Variants in FGD5 observed in about 807,000 individuals in gnomAD.
FGD5 encodes FYVE, RhoGEF and PH domain containing 5, also known as FYVE, RhoGEF and PH domain-containing protein 5.
Under a neutral mutation model 133.4 loss-of-function variants are expected in FGD5, and 28 were observed. The observed-to-expected ratio is 0.21, with a 90% confidence interval of 0.16 to 0.29. The LOEUF is 0.29. Among genes scored for constraint, FGD5 ranks in the 10% least tolerant of loss-of-function variants. FGD5 has a pLI of 1.00. For synonymous variants in FGD5, 810 were observed against 776.5 expected, an observed-to-expected ratio of 1.04 and a Z score of -0.72; for missense variants, 1,858 against 1,895.2, an observed-to-expected ratio of 0.98 and a Z score of 0.36.
At chr3:14,878,927 T>C (rs143911109) in intron 2 of FGD5, among the ~76,000 whole-genome samples, 2,727 of 152,248 alleles carry the variant, frequency 0.018, 30 homozygotes, top group Middle Eastern at 0.031. Context: ...CAGGCTGGTC[T>C]CGAACTCTTA....
At chr3:14,900,890 C>T (rs2125134999) in intron 8 of FGD5, 113 bp from the exon 9 acceptor site, 2 of 1,130,458 alleles carry the variant, frequency 1.8e-6, no homozygotes, top group South Asian at 1.3e-5. Context: ...CTGTCAAGGT[C>T]ACCTAGGCAG....
intron 1 of FGD5, among the ~76,000 whole-genome samples, chr3:14,852,279 C>T (rs558210630): frequency 9.8e-5 from 15 of 152,324 alleles, no homozygotes; most frequent in African/African-American, 3.6e-4. Context: ...GAAGAGCTGA[C>T]ACATGCTACA....
intron 1 of FGD5, among the ~76,000 whole-genome samples, chr3:14,854,394 TTTATTTA>T (rs2037231596): frequency 6.3e-5 from 4 of 63,946 alleles, no homozygotes; most frequent in Non-Finnish European, 1.2e-4. Flanking sequence ...TTTCTTTTTA[TTTATTTA>T]TTTATTTATT....
intron 7 of FGD5, among the ~76,000 whole-genome samples, chr3:14,899,778 GAGAC>G (rs1336447662): frequency 6.6e-6 from 1 of 152,320 alleles, no homozygotes; most frequent in East Asian, 1.9e-4. Context: ...GCAAGTTAAG[GAGAC>G]AGAGGGAACA....
chr3:14,881,927 C>T (rs778157406), intron 4 of FGD5, among the ~76,000 whole-genome samples: 5 of 152,176 alleles, frequency 3.3e-5, no homozygotes, highest in Non-Finnish European at 7.3e-5. Context: ...TCAAGCCAGG[C>T]CTCTTGCTGA....
intron 1 of FGD5, among the ~76,000 whole-genome samples, chr3:14,834,581 C>G (rs2036778525): frequency 1.3e-5 from 2 of 152,166 alleles, no homozygotes; most frequent in Admixed American, 6.5e-5. Context: ...GTTTGAACAC[C>G]CTACGTCATC....
At chr3:14,890,526 A>G (rs751422497) in intron 4 of FGD5, among the ~76,000 whole-genome samples, 4 of 152,124 alleles carry the variant, frequency 2.6e-5, no homozygotes, top group Admixed American at 6.5e-5. Flanking sequence ...ACCCCCAGGT[A>G]TGATGATGGG....
intron 2 of FGD5, among the ~76,000 whole-genome samples, chr3:14,867,085 T>A (rs986645943): frequency 2.6e-5 from 4 of 152,206 alleles, no homozygotes; most frequent in African/African-American, 9.7e-5. Flanking sequence ...AGTCAAAACC[T>A]ACACTTTAAT....
At chr3:14,913,571 A>G (rs1197604096) in intron 11 of FGD5, among the ~76,000 whole-genome samples, 2 of 152,188 alleles carry the variant, frequency 1.3e-5, no homozygotes, top group Non-Finnish European at 2.9e-5. Context: ...CAGCTCCCTG[A>G]TCTTTAAAAC....
intron 2 of FGD5, among the ~76,000 whole-genome samples, chr3:14,875,334 G>A (rs572684719): frequency 7.4e-4 from 113 of 152,276 alleles, no homozygotes; most frequent in African/African-American, 2.6e-3. Context: ...GGGGGGCTGC[G>A]TGGCTGAAGA....
chr3:14,898,580 G>A (rs56948884), intron 6 of FGD5, among the ~76,000 whole-genome samples, 159 bp from the exon 7 acceptor site: 2 of 152,122 alleles, frequency 1.3e-5, no homozygotes, highest in Non-Finnish European at 2.9e-5. Context: ...TAATCCAGGA[G>A]GGCTTCCCGC....
rs1329896867 is a variant in FGD5 at position 14,820,233 on chromosome 3, C to T, written c.1162C>T (p.Pro388Ser). The T allele has an allele frequency of 7.5e-6, 12 of 1,606,256 alleles. No individual in the cohort carries two copies. Among genetic ancestry groups the T allele is most frequent in the Non-Finnish European group, 9.4e-6 (11 of 1,175,428 alleles). ...GCTGGGGCTGCGTGCGGAGGAGAAC[C>T]CCATGGTGGGGGCTTTGTGTGGCCA... Reference protein sequence around the residue: ...PKLGLRAEENPMVGALCGQCG... With the variant: ...PKLGLRAEENSMVGALCGQCG... Residue 388 changes from proline to serine, a missense_variant, in exon 1 of 20, where the codon CCC becomes TCC. Coordinates refer to ENST00000285046, the MANE Select transcript of FGD5 (RefSeq NM_152536.4).
rs187395691 is a variant in FGD5 at position 14,843,073 on chromosome 3, T to C, written c.2526-21055T>C. Among the ~76,000 whole-genome samples the C allele has an allele frequency of 4.2e-3, 643 of 152,358 alleles. 7 individuals are homozygous for C. The highest frequency in any genetic ancestry group is 0.014 in the Middle Eastern group (4 of 294). On this transcript the variant is annotated intron_variant, in intron 1 of 19. Transcript: ENST00000285046. ...TTCTTAATTTTAAAATCCCGAGAGT[T>C]GAATACTTGATATTTCTTCAAGAAA...
intron 1 of FGD5, among the ~76,000 whole-genome samples, chr3:14,827,737 C>G (rs906475536): frequency 3.3e-5 from 5 of 152,054 alleles, no homozygotes; most frequent in Non-Finnish European, 7.4e-5. Context: ...TCCTGCAGGC[C>G]ACAGTGGGTA....
At chr3:14,830,039 T>C (rs2036676539) in intron 1 of FGD5, among the ~76,000 whole-genome samples, 2 of 152,226 alleles carry the variant, frequency 1.3e-5, no homozygotes, top group East Asian at 1.9e-4. Flanking sequence ...TCCTGCTGAC[T>C]GGTTCCATTG....
At chr3:14,862,915 A>G (rs2037426127) in intron 1 of FGD5, among the ~76,000 whole-genome samples, 1 of 152,114 alleles carries the variant, frequency 6.6e-6, no homozygotes, top group African/African-American at 2.4e-5. Flanking sequence ...CTTAGGCTAC[A>G]GGTACTCTGG....
At chr3:14,899,329 G>A (rs369941231) in intron 7 of FGD5, among the ~76,000 whole-genome samples, 9 of 151,956 alleles carry the variant, frequency 5.9e-5, no homozygotes, top group Middle Eastern at 3.2e-3. Context: ...CTCCATAAAC[G>A]TCAGAGCTTC....
rs574748555 is a variant in FGD5 at position 14,824,263 on chromosome 3, G to A, written c.2525+2667G>A. On this transcript the variant is annotated intron_variant, in intron 1 of 19. Transcript: ENST00000285046. ...GGTCTGGGCAAGGGAGGTTTGAGAC[G>A]CATATCGCCAAGAGGCATGAGTGAC... Among the ~76,000 whole-genome samples the A allele has an allele frequency of 3.3e-5, 5 of 152,334 alleles. No homozygotes were observed. The East Asian group carries it at 7.7e-4, about 23-fold the overall frequency.
rs1377491562 is a variant in FGD5 at position 14,820,138 on chromosome 3, C to A, written c.1067C>A (p.Ser356Tyr). 2 of 1,614,054 alleles carry A rather than the reference C, an allele frequency of 1.2e-6. No homozygotes were observed. The highest frequency in any genetic ancestry group is 1.7e-5 in the Admixed American group (1 of 60,032). Residue 356 changes from serine (S) to tyrosine (Y), a missense_variant, in exon 1 of 20, where the codon TCT becomes TAT. Ser to Tyr is a moderately radical substitution (Grantham distance 144). This residue lies in a region of FGD5 where 1,824 missense variants were observed against 1,848.9 expected (regional missense o/e 0.99). Transcript: ENST00000285046. ...PYEFFPTEST[S>Y]FCSESCSPLS... is the part of the protein sequence containing the mutation. ...GAGTTCTTCCCAACTGAGAGCACCT[C>A]TTTTTGCAGCGAGAGCTGTTCTCCT...
Sources: allele counts gnomAD v4.1 joint callset (sites outside exome capture counted in the v4.1 genomes callset), GRCh38; gene constraint gnomAD v4.1.1; regional missense constraint gnomAD v4.1.1; transcripts MANE v1.5; gene names NCBI Gene and HGNC (gene_info 2026-07-23, HGNC 2026-07-21).